Variants in TSPAN17 observed in about 807,000 individuals in gnomAD.
TSPAN17 encodes tetraspanin-17.
A neutral mutation model predicts 40.5 loss-of-function variants in TSPAN17; 33 were observed. That is an observed-to-expected ratio of 0.81 (90% CI 0.62 to 1.09). The LOEUF (loss-of-function observed/expected upper bound fraction) is 1.09, where lower values mean the gene tolerates loss of function less well. Among genes scored for constraint, TSPAN17 ranks in the 50% least tolerant of loss-of-function variants. The probability of loss-of-function intolerance (pLI) is 0.00; values close to 1 mark genes in which losing one functional copy is unlikely to be tolerated. For synonymous variants in TSPAN17, 166 were observed against 169.4 expected, an observed-to-expected ratio of 0.98 and a Z score of 0.15; for missense variants, 365 against 416.8, an observed-to-expected ratio of 0.88 and a Z score of 1.08.
intron 1 of TSPAN17, among the ~76,000 whole-genome samples, chr5:176,648,068 C>A (rs1033130377): frequency 6.6e-6 from 1 of 152,202 alleles, no homozygotes; most frequent in African/African-American, 2.4e-5. Context: ...GCGTGCCAAG[C>A]CCCACCCCTG....
chr5:176,649,781 G>T (rs1022038905), intron 1 of TSPAN17, among the ~76,000 whole-genome samples: 12 of 152,154 alleles, frequency 7.9e-5, no homozygotes, highest in Non-Finnish European at 1.8e-4. Context: ...CCAGGGCCCC[G>T]CGGGGCCGGG....
rs1407764170 is a variant in TSPAN17, at chr5:176,647,555, C to CCG, written c.-58_-57dup. On this transcript the variant is annotated 5_prime_UTR_variant, in exon 1 of 9. Coordinates refer to ENST00000508164, the MANE Select transcript of TSPAN17 (RefSeq NM_130465.5). ...CCGGGCGGCTCTAGCCCAGGGCGGCCCGCGGGGCGCTGGGCCTGGCTCCCG... is the reference window on the plus strand; with the variant it reads ...CCGGGCGGCTCTAGCCCAGGGCGGCCCGCGCGGGGCGCTGGGCCTGGCTCCCG... 6.8e-7 allele frequency: 1 copy of CCG among 1,474,624 alleles called. No homozygotes were observed. Among genetic ancestry groups the CCG allele is most frequent in the Non-Finnish European group, 9.1e-7 (1 of 1,104,328 alleles). The allele number at this position is 1,474,624 out of a possible 1,614,324, so 91.3% of individuals were successfully genotyped here.
In TSPAN17 at chr5:176,654,898, T is replaced by C. The variant is rs779306531; in HGVS notation, c.460T>C (p.Ser154Pro). 1 of 1,613,746 alleles carries C rather than the reference T, an allele frequency of 6.2e-7. No individual in the cohort carries two copies. Among genetic ancestry groups the C allele is most frequent in the Non-Finnish European group, 8.5e-7 (1 of 1,179,840 alleles). The change falls in exon 5 of 9, where the codon TCT becomes CCT. Residue 154 changes from serine to proline, a missense_variant. By Grantham distance (74) the Ser-to-Pro change is moderately conservative. Coordinates refer to ENST00000508164, the MANE Select transcript of TSPAN17 (RefSeq NM_130465.5). This position sits in a 1 kb window ranked among gnomAD's most constrained non-coding sequence, Gnocchi z 4.3. ...NLIDFAQEYWSCCGARGPNDW... is the reference protein window; with the variant it reads ...NLIDFAQEYWPCCGARGPNDW... ...GGGCTCTCCCCTGCCCCCACAGTGG[T>C]CTTGCTGCGGAGCCCGAGGCCCCAA...
In TSPAN17 at chr5:176,650,707, C is replaced by T. The variant is rs1040301229; in HGVS notation, c.88-909C>T. Among the ~76,000 whole-genome samples, 1 of 152,142 alleles carries T rather than the reference C, an allele frequency of 6.6e-6. No homozygotes were observed. Among genetic ancestry groups the T allele is most frequent in the Admixed American group, 6.5e-5 (1 of 15,278 alleles). On this transcript the variant is annotated intron_variant, in intron 1 of 8. Transcript: ENST00000508164. The surrounding 1 kb of genome is among the most constrained non-coding windows in gnomAD (Gnocchi z 4.0). ...AAGGGAAGGTGATAAAGGCCTTGGC[C>T]GTGGCTATGTGCTGAGGGGAAGGAG...
rs935589523 is a variant in TSPAN17 at position 176,654,852 on chromosome 5, G to A, written c.457-43G>A. Reference sequence around the variant, plus strand: ...TGTTCCCAAACAGGGTGAGGCTCCTGGGATGGGCCTGGCTCACCTGGGGCT... The same window carrying A: ...TGTTCCCAAACAGGGTGAGGCTCCTAGGATGGGCCTGGCTCACCTGGGGCT... On this transcript the variant is annotated intron_variant, in intron 4 of 8. Coordinates refer to ENST00000508164, the MANE Select transcript of TSPAN17 (RefSeq NM_130465.5). This position sits in a 1 kb window ranked among gnomAD's most constrained non-coding sequence, Gnocchi z 4.3. 1 of 1,608,346 alleles carries A rather than the reference G, an allele frequency of 6.2e-7. No homozygotes were observed. Among genetic ancestry groups the A allele is most frequent in the African/African-American group, 1.3e-5 (1 of 74,876 alleles).
chr5:176,657,023 C>A lies in TSPAN17; in HGVS notation c.809+67C>A. The A allele has an allele frequency of 3.3e-6, 5 of 1,506,450 alleles. No homozygotes were observed. In the South Asian group the frequency reaches 3.6e-5, roughly 11 times the overall value. The allele number at this position is 1,506,450 out of a possible 1,614,324, so 93.3% of individuals were successfully genotyped here. On this transcript the variant is annotated intron_variant, in intron 8 of 8. Coordinates refer to ENST00000508164, the MANE Select transcript of TSPAN17 (RefSeq NM_130465.5). Reference sequence around the variant, plus strand: ...AGGCCTCTGGGGGGCCCCCCAGGACCCTCCTACTATACTCCTGACGGGCAA... The same window carrying A: ...AGGCCTCTGGGGGGCCCCCCAGGACACTCCTACTATACTCCTGACGGGCAA...
intron 1 of TSPAN17, among the ~76,000 whole-genome samples, chr5:176,649,646 C>T (rs1425420880): frequency 3.3e-5 from 5 of 152,118 alleles, no homozygotes; most frequent in Admixed American, 1.3e-4. Flanking sequence ...AGGCTGGTCT[C>T]GAACTCCTGA....
Position 176,647,670 on chromosome 5 carries a change from T to C in TSPAN17, c.55T>C (p.Tyr19His). Residue 19 changes from tyrosine to histidine, a missense_variant, in exon 1 of 9, where the codon TAC becomes CAC. By Grantham distance (83) the Tyr-to-His change is moderately conservative. Coordinates refer to ENST00000508164, the MANE Select transcript of TSPAN17 (RefSeq NM_130465.5). ...ACCTGAGGTCGGCTGCTGCGGGAAA[T>C]ACTTCCTGTTTGGCTTCAACATTGT... is the stretch of plus-strand genomic sequence containing the variant. ...QEPEVGCCGK[Y>H]FLFGFNIVFW... 6.2e-7 allele frequency: 1 copy of C among 1,604,028 alleles called. No individual in the cohort carries two copies. The highest frequency in any genetic ancestry group is 8.5e-7 in the Non-Finnish European group (1 of 1,175,876).
At position 176,657,694 on chromosome 5, in the gene TSPAN17, G is replaced by A; in HGVS notation, c.986G>A (p.Trp329Ter). ...TACCCTGAGCCAACCTTTAAAAATT[G>A]GTAGATTTCACATAAAAGTCCAGAT... ...GLYPEPTFKNW is the reference protein window; with the variant it reads ...GLYPEPTFKN Residue 329 changes from tryptophan to a stop codon, truncating the protein, a stop_gained, in exon 9 of 9, where the codon TGG becomes TAG. Coordinates refer to ENST00000508164, the MANE Select transcript of TSPAN17 (RefSeq NM_130465.5). LOFTEE classifies it high-confidence loss of function. The A allele has an allele frequency of 6.4e-7, 1 of 1,559,386 alleles. No individual in the cohort carries two copies. The highest frequency in any genetic ancestry group is 1.2e-5 in the South Asian group (1 of 83,414).
intron 5 of TSPAN17, 118 bp from the exon 6 acceptor site, chr5:176,655,960 C>T (rs1338294196): frequency 6.6e-6 from 6 of 904,086 alleles, no homozygotes; most frequent in Non-Finnish European, 1.1e-5. Flanking sequence ...GTGGACACGG[C>T]AGAATCCACG....
intron 1 of TSPAN17, among the ~76,000 whole-genome samples, chr5:176,649,735 C>T (rs770493978): frequency 6.6e-6 from 1 of 152,290 alleles, no homozygotes; most frequent in East Asian, 1.9e-4. Flanking sequence ...CCATCCTGCT[C>T]GTGGTTTCTT....
In TSPAN17 at chr5:176,651,614, A is replaced by G; in HGVS notation, c.88-2A>G. ...CTGAGCTCTTTGTTGCTGCCCTTGC[A>G]GGTGCTGGGAGCCCTGTTCCTGGCT... On this transcript the variant is annotated splice_acceptor_variant, in intron 1 of 8. Coordinates refer to ENST00000508164, the MANE Select transcript of TSPAN17 (RefSeq NM_130465.5). LOFTEE classifies it high-confidence loss of function. This position sits in a 1 kb window ranked among gnomAD's most constrained non-coding sequence, Gnocchi z 4.5. The G allele has an allele frequency of 6.2e-7, 1 of 1,612,678 alleles. No individual in the cohort carries two copies. The highest frequency in any genetic ancestry group is 1.1e-5 in the South Asian group (1 of 90,946).
rs1170811468 is a variant in TSPAN17 at position 176,656,967 on chromosome 5, C to T, written c.809+11C>T. 1 of 1,611,536 alleles carries T rather than the reference C, an allele frequency of 6.2e-7. No homozygotes were observed. The highest frequency in any genetic ancestry group is 1.1e-5 in the South Asian group (1 of 90,984). On this transcript the variant is annotated intron_variant, in intron 8 of 8. Coordinates refer to ENST00000508164, the MANE Select transcript of TSPAN17 (RefSeq NM_130465.5). ...AGTGAAAGCCAACTGGTGAGGCCGC[C>T]AGAGGCCATGGCCACATGCCTGGCC...
chr5:176,651,425 C>T lies in TSPAN17; in HGVS notation c.88-191C>T, dbSNP rs1201795486. Among the ~76,000 whole-genome samples, 1 of 152,176 alleles carries T rather than the reference C, an allele frequency of 6.6e-6. No individual in the cohort carries two copies. The highest frequency in any genetic ancestry group is 1.5e-5 in the Non-Finnish European group (1 of 68,042). On this transcript the variant is annotated intron_variant, in intron 1 of 8. Coordinates refer to ENST00000508164, the MANE Select transcript of TSPAN17 (RefSeq NM_130465.5). The surrounding 1 kb of genome is among the most constrained non-coding windows in gnomAD (Gnocchi z 4.5). ...CAAGGCTAGCAGAGGGTTCAGTCCT[C>T]CAGGCTGTGTCCTGTGGGGAAGAAG...
At chr5:176,647,960 G>A (rs747801863) in intron 1 of TSPAN17, among the ~76,000 whole-genome samples, 1 of 152,170 alleles carries the variant, frequency 6.6e-6, no homozygotes, top group Non-Finnish European at 1.5e-5. Context: ...GAGGCCTGGT[G>A]GAGAAAGGGA....
chr5:176,656,143 C>T lies in TSPAN17; in HGVS notation c.630+18C>T, dbSNP rs541615504. ...TCAAACTGGTGAGAGGGGTAGGAACCGGGCTGGGGCAGGCAGGCAGGGGTA... is the reference window on the plus strand; with the variant it reads ...TCAAACTGGTGAGAGGGGTAGGAACTGGGCTGGGGCAGGCAGGCAGGGGTA... On this transcript the variant is annotated intron_variant, in intron 6 of 8. Transcript: ENST00000508164. 3.9e-5 allele frequency: 63 copies of T among 1,613,860 alleles called. No individual in the cohort carries two copies. The highest frequency in any genetic ancestry group is 5.3e-5 in the African/African-American group (4 of 75,042).
In TSPAN17 at chr5:176,656,682, G is replaced by A; in HGVS notation, c.631-18G>A. 2 of 1,613,028 alleles carry A rather than the reference G, an allele frequency of 1.2e-6. No individual in the cohort carries two copies. The highest frequency in any genetic ancestry group is 1.7e-5 in the Admixed American group (1 of 60,016). Reference sequence around the variant, plus strand: ...CTGAAGGGCAGGTAGGCTGAGCCTGGTGCCTGCGTGTCCCCAGGAGCTGGA... The same window carrying A: ...CTGAAGGGCAGGTAGGCTGAGCCTGATGCCTGCGTGTCCCCAGGAGCTGGA... On this transcript the variant is annotated intron_variant, in intron 6 of 8. Transcript: ENST00000508164.
intron 5 of TSPAN17, 95 bp downstream of exon 5, chr5:176,655,115 T>C (rs946728646): frequency 2.8e-6 from 4 of 1,417,454 alleles, no homozygotes; most frequent in East Asian, 5.1e-5. Flanking sequence ...TGCCCTGCTC[T>C]GGGGGCGTGG....
intron 4 of TSPAN17, chr5:176,653,722 G>T (rs1761051188): frequency 6.6e-6 from 1 of 152,244 alleles, no homozygotes. Context: ...GTGAAGCAGA[G>T]CTGGTGCCTG....
Sources: allele counts gnomAD v4.1 joint callset (sites outside exome capture counted in the v4.1 genomes callset), GRCh38; gene constraint gnomAD v4.1.1; non-coding constraint Gnocchi (gnomAD v3.1); transcripts MANE v1.5; gene names NCBI Gene and HGNC (gene_info 2026-07-23, HGNC 2026-07-21).